The following ADGRV1 variants were observed in gnomAD, a reference collection of about 807,000 sequenced individuals.
ADGRV1 encodes the protein G-protein coupled receptor 98.
ADGRV1 carries 359 observed loss-of-function variants against 596.2 expected under a neutral mutation model. That is an observed-to-expected ratio of 0.60 (90% confidence interval 0.55 to 0.66). The LOEUF (loss-of-function observed/expected upper bound fraction) is 0.66. ADGRV1 is among the 30% of genes least tolerant of loss of function. ADGRV1 has a pLI of 0.00. For synonymous variants in ADGRV1, 2,681 were observed against 2,679.2 expected (o/e 1.00, Z -0.02); for missense variants, 7,274 against 7,575.6 (o/e 0.96, Z 1.48).
intron 1 of ADGRV1, among the ~76,000 whole-genome samples, chr5:90,585,607 A>C (rs1191363677): frequency 6.6e-6 from 1 of 152,214 alleles, no homozygotes; most frequent in East Asian, 1.9e-4. Flanking sequence ...TCCTGCCCAG[A>C]GGGCAGCCTG....
At chr5:90,754,905 T>G in intron 54 of ADGRV1, 78 bp from the exon 55 acceptor site, 2 of 941,856 alleles carry the variant, frequency 2.1e-6, no homozygotes, top group Admixed American at 1.8e-5. Context: ...TAGAGTAGAG[T>G]GTTCCACTCT....
intron 84 of ADGRV1, among the ~76,000 whole-genome samples, chr5:90,976,344 A>ATATATATATATATATATG (rs1466770133): frequency 7.0e-6 from 1 of 143,356 alleles, no homozygotes; most frequent in African/African-American, 2.6e-5. Flanking sequence ...ATATATATAT[A>ATATATATATATATATATG]TATATGTATA....
rs774655133 is a variant in ADGRV1 at position 90,745,799 on chromosome 5, A to G, written c.10974+4A>G. On this transcript the variant is annotated splice_donor_region_variant and intron_variant, in intron 52 of 89. Transcript: ENST00000405460. ...TGGAATTGTTGCATTTGCTCAGGTA[A>G]TGATACTGAAGACCCCACACTTGCA... The G allele has an allele frequency of 3.3e-6, 5 of 1,524,818 alleles. No individual in the cohort carries two copies. The South Asian group carries it at 4.5e-5, about 14-fold the overall frequency. 94.5% of individuals were successfully genotyped at this position (1,524,818 alleles called of 1,614,324 possible).
Position 90,854,067 on chromosome 5 carries a change from A to G in ADGRV1, c.17460A>G (p.Leu5820=), listed in dbSNP as rs1766790878. The change falls in exon 81 of 90, where the codon TTA becomes TTG. Residue 5820 remains leucine, a synonymous_variant. Transcript: ENST00000405460. ...NNLPTLKNKV[L]SLSVKGQSSQ... ...TTCTGTTTTTAACATTCTAGGTATT[A>G]TCTTTGAGTGTGAAAGGTCAGAGTT... 1 of 1,577,462 alleles carries G rather than the reference A, an allele frequency of 6.3e-7. No homozygotes were observed. Among genetic ancestry groups the G allele is most frequent in the Non-Finnish European group, 8.6e-7 (1 of 1,156,426 alleles).
At chr5:90,976,159 T>C (rs1005086028) in intron 84 of ADGRV1, among the ~76,000 whole-genome samples, 5 of 150,592 alleles carry the variant, frequency 3.3e-5, no homozygotes, top group East Asian at 1.9e-4. Context: ...ATTCCATGCA[T>C]AGACAAATAT....
At chr5:90,575,021 A>AT (rs1399045272) in intron 1 of ADGRV1, among the ~76,000 whole-genome samples, 2 of 150,850 alleles carry the variant, frequency 1.3e-5, no homozygotes, top group African/African-American at 4.9e-5. Flanking sequence ...AATTTTATTT[A>AT]TTTTTTTTCA....
intron 89 of ADGRV1, among the ~76,000 whole-genome samples, chr5:91,160,335 G>A (rs1796838876): frequency 6.6e-6 from 1 of 152,068 alleles, no homozygotes; most frequent in South Asian, 2.1e-4. Context: ...GAATCAAAAT[G>A]GAAAGGTGGA....
Position 90,683,931 on chromosome 5 carries a change from T to C in ADGRV1, c.6010T>C (p.Leu2004=). 6.2e-7 allele frequency: 1 copy of C among 1,613,760 alleles called. No individual in the cohort carries two copies. The highest frequency in any genetic ancestry group is 1.1e-5 in the South Asian group (1 of 91,058). ...GAACATCACACTATCAATAATAAGG[T>C]TGAAAGGCCTCATGGGAAAAGTCCT... The part of the protein sequence containing the change: ...TQNITLSIIR[L]KGLMGKVLVS... Residue 2004 remains leucine, a synonymous_variant, in exon 28 of 90, where the codon TTG becomes CTG. Coordinates refer to ENST00000405460, the MANE Select transcript of ADGRV1 (RefSeq NM_032119.4).
chr5:90,813,132 C>CAAAAAAAAAAAA (rs5869522), intron 74 of ADGRV1, among the ~76,000 whole-genome samples: 522 of 34,912 alleles, frequency 0.015, 125 homozygotes, highest in East Asian at 0.02. Flanking sequence ...GACTCCGTCT[C>CAAAAAAAAAAAA]AAAAAAAAAA....
At chr5:90,572,469 C>T (rs941413553) in intron 1 of ADGRV1, among the ~76,000 whole-genome samples, 9 of 152,146 alleles carry the variant, frequency 5.9e-5, no homozygotes, top group South Asian at 2.1e-4. Flanking sequence ...TGAACTGGTA[C>T]GAAAGCAGAA....
At chr5:90,795,451 C>T (rs964303163) in intron 70 of ADGRV1, among the ~76,000 whole-genome samples, 1 of 152,182 alleles carries the variant, frequency 6.6e-6, no homozygotes, top group African/African-American at 2.4e-5. Context: ...TGCCAGATTT[C>T]TCCTCTCTGG....
At chr5:90,970,985 A>G (rs1183448200) in intron 84 of ADGRV1, among the ~76,000 whole-genome samples, 1 of 152,238 alleles carries the variant, frequency 6.6e-6, no homozygotes, top group African/African-American at 2.4e-5. Context: ...GCTAGCTACA[A>G]TAACCAGTGT....
At chr5:90,620,321 T>C (rs1281772136) in intron 4 of ADGRV1, among the ~76,000 whole-genome samples, 7 of 152,212 alleles carry the variant, frequency 4.6e-5, no homozygotes, top group Admixed American at 4.6e-4. Context: ...TGTCTCATTG[T>C]GGTTTTGATT....
At chr5:90,967,703 A>C (rs1189059542) in intron 84 of ADGRV1, among the ~76,000 whole-genome samples, 4 of 151,820 alleles carry the variant, frequency 2.6e-5, no homozygotes, top group Non-Finnish European at 5.9e-5. Flanking sequence ...AGCTGCCTGC[A>C]TTAAGATTAC....
chr5:90,937,894 A>G (rs897653335), intron 83 of ADGRV1, among the ~76,000 whole-genome samples: 3 of 152,014 alleles, frequency 2.0e-5, no homozygotes, highest in Non-Finnish European at 4.4e-5. Flanking sequence ...GGTCATTGTT[A>G]GCATATTCTT....
intron 50 of ADGRV1, among the ~76,000 whole-genome samples, chr5:90,732,828 G>A (rs1054783799): frequency 6.6e-5 from 10 of 152,194 alleles, no homozygotes; most frequent in Non-Finnish European, 1.5e-4. Flanking sequence ...TAGAAAAACA[G>A]CATTATTATG....
At chr5:90,886,772 C>T (rs1770327524) in intron 83 of ADGRV1, among the ~76,000 whole-genome samples, 1 of 152,108 alleles carries the variant, frequency 6.6e-6, no homozygotes, top group South Asian at 2.1e-4. Flanking sequence ...ATAATTGGGG[C>T]CATCATTCAC....
rs16869016 is a variant in ADGRV1 at position 90,704,393 on chromosome 5, C to T, written c.8291C>T (p.Ser2764Leu). The change falls in exon 36 of 90, where the codon TCG becomes TTG. Residue 2764 changes from serine (S) to leucine (L), a missense_variant. Ser to Leu is a moderately radical substitution (Grantham distance 145). This residue lies in a region of ADGRV1 where 3,643 missense variants were observed against 3,809.2 expected (regional missense o/e 0.96). Coordinates refer to ENST00000405460, the MANE Select transcript of ADGRV1 (RefSeq NM_032119.4). ...ATTTCTTTCTGTATGACATAGGGGT[C>T]GTTGAATACAACATTGTTTGTGCAT... Reference protein sequence around the residue: ...FSGQLFFPEGSLNTTLFVHLL... With the variant: ...FSGQLFFPEGLLNTTLFVHLL... 95,051 of 1,553,964 alleles carry T rather than the reference C, an allele frequency of 0.061. 3,387 individuals are homozygous for T. Among genetic ancestry groups the T allele is most frequent in the East Asian group, 0.13 (5,405 of 42,930 alleles).
chr5:90,775,700 A>G (rs889584237), intron 60 of ADGRV1, among the ~76,000 whole-genome samples: 3 of 151,210 alleles, frequency 2.0e-5, no homozygotes, highest in Non-Finnish European at 2.9e-5. Flanking sequence ...CTGGTCTTGA[A>G]CTCCTGAGCT....
Sources: gnomAD v4.1 joint callset for allele counts (sites outside exome capture counted in the v4.1 genomes callset) on GRCh38, gnomAD v4.1.1 for gene constraint, gnomAD v4.1.1 regional missense constraint, MANE v1.5 for transcripts, NCBI Gene and HGNC (gene_info 2026-07-23, HGNC 2026-07-21) for gene names.